The following MGAT4C variants were observed in gnomAD, a reference collection of about 807,000 sequenced individuals.
MGAT4C encodes the protein MGAT4 family member C.
A neutral mutation model predicts 40.1 loss-of-function variants in MGAT4C; 19 were observed. The observed-to-expected ratio is 0.47, with a 90% CI of 0.33 to 0.70. MGAT4C has a LOEUF of 0.70. Among genes scored for constraint, MGAT4C ranks in the 30% least tolerant of loss-of-function variants. The pLI is 0.02. For synonymous variants in MGAT4C, 181 were observed against 187.1 expected (o/e 0.97, Z 0.27); for missense variants, 491 against 563.2 (o/e 0.87, Z 1.30).
chr12:86,773,781 AG>A (rs1026125746), intron 1 of MGAT4C, among the ~76,000 whole-genome samples: 1 of 151,886 alleles, frequency 6.6e-6, no homozygotes, highest in African/African-American at 2.4e-5. Flanking sequence ...TTTCATGGAA[AG>A]GATTTTTTAA....
chr12:86,299,979 T>A (rs1233380424), intron 4 of MGAT4C, among the ~76,000 whole-genome samples: 2 of 152,226 alleles, frequency 1.3e-5, no homozygotes, highest in African/African-American at 2.4e-5. Flanking sequence ...AGAATGAGTA[T>A]ATGCCCTTTG....
rs2136635222 is a variant in MGAT4C at position 85,957,267 on chromosome 12, T to G, written c.*22022A>C. ...TTCATCTGTAAATAAAGTCATATTA[T>G]TTGTGAAAGACCAAGGCCAAGGATC... is the stretch of plus-strand genomic sequence containing the variant. On this transcript the variant is annotated 3_prime_UTR_variant, in exon 5 of 5. Transcript: ENST00000611864. 1 of 152,316 alleles carries G rather than the reference T, an allele frequency of 6.6e-6. No homozygotes were observed. The highest frequency in any genetic ancestry group is 3.4e-3 in the Middle Eastern group (1 of 294). The allele number at this position is 152,316 out of a possible 1,614,324, so 9.4% of individuals were successfully genotyped here.
At chr12:86,332,440 G>T (rs1232305124) in intron 4 of MGAT4C, among the ~76,000 whole-genome samples, 2 of 149,174 alleles carry the variant, frequency 1.3e-5, no homozygotes, top group African/African-American at 4.9e-5. Flanking sequence ...GAAAAAAAAA[G>T]CCCCAAATCT....
chr12:86,383,757 CT>C (rs1434613842), intron 3 of MGAT4C, among the ~76,000 whole-genome samples: 1 of 152,032 alleles, frequency 6.6e-6, no homozygotes, highest in Non-Finnish European at 1.5e-5. Flanking sequence ...ATTGACTTGC[CT>C]TGTCTCAGAT....
rs1249125919 is a variant in MGAT4C, at chr12:85,962,730, C to T, written c.*16559G>A. The T allele has an allele frequency of 1.3e-5, 2 of 150,810 alleles. No individual in the cohort carries two copies. Among genetic ancestry groups the T allele is most frequent in the Non-Finnish European group, 3.0e-5 (2 of 67,406 alleles). 9.3% of individuals were successfully genotyped at this position (150,810 alleles called of 1,614,324 possible). On this transcript the variant is annotated 3_prime_UTR_variant, in exon 5 of 5. Transcript: ENST00000611864. ...ACATTTTACATAGGATGAAAAAAAT[C>T]ATTATTTTTATTAATCCCAAGATAT...
Position 86,273,533 on chromosome 12 carries a change from T to A in MGAT4C, c.-57+60532A>T, listed in dbSNP as rs181030290. 2.2e-3 allele frequency among the ~76,000 whole-genome samples: 333 copies of A among 152,296 alleles called. 1 individual carries two copies. The highest frequency in any genetic ancestry group is 7.7e-3 in the African/African-American group (320 of 41,570). The stretch of plus-strand genomic sequence containing the variant: ...AAGCATGTTTAATTTTAAATCTGCA[T>A]GCAACATACATAATCTTTAATTTTA... On this transcript the variant is annotated intron_variant, in intron 4 of 7. Transcript: ENST00000548651.
At chr12:86,701,310 T>G (rs1372787428) in intron 2 of MGAT4C, among the ~76,000 whole-genome samples, 1 of 152,084 alleles carries the variant, frequency 6.6e-6, no homozygotes, top group African/African-American at 2.4e-5. Flanking sequence ...TCCAACAGCA[T>G]GTGCTCACTT....
chr12:86,501,360 G>A (rs1167109133), intron 2 of MGAT4C, among the ~76,000 whole-genome samples: 1 of 151,922 alleles, frequency 6.6e-6, no homozygotes, highest in Non-Finnish European at 1.5e-5. Context: ...AAGTTCTAAA[G>A]TGCATGTGCA....
chr12:86,566,634 T>C (rs1960135512), intron 2 of MGAT4C, among the ~76,000 whole-genome samples: 1 of 144,066 alleles, frequency 6.9e-6, no homozygotes, highest in East Asian at 2.0e-4. Context: ...ATATGTATTA[T>C]ATATACATAA....
upstream of MGAT4C, among the ~76,000 whole-genome samples, chr12:86,258,881 A>C (rs1348022508): frequency 6.6e-6 from 1 of 152,046 alleles, no homozygotes; most frequent in Non-Finnish European, 1.5e-5. Flanking sequence ...TGTACTAGAA[A>C]TACTTCATAC....
chr12:86,449,347 C>T (rs1957387866), intron 2 of MGAT4C, among the ~76,000 whole-genome samples: 1 of 152,012 alleles, frequency 6.6e-6, no homozygotes, highest in African/African-American at 2.4e-5. Flanking sequence ...GTTCAAATTC[C>T]AACTCTGCAA....
chr12:86,795,601 GGAGA>G (rs149027589), intron 1 of MGAT4C, among the ~76,000 whole-genome samples: 3 of 151,016 alleles, frequency 2.0e-5, no homozygotes, highest in East Asian at 3.9e-4. Context: ...GACAGAGAAA[GGAGA>G]GAGAGAGAGA....
intron 1 of MGAT4C, among the ~76,000 whole-genome samples, chr12:86,773,553 T>C (rs1031163918): frequency 1.8e-4 from 27 of 152,284 alleles, no homozygotes; most frequent in African/African-American, 5.1e-4. Flanking sequence ...ATTTTCCTAC[T>C]GAGGAATTAA....
At chr12:86,138,869 C>G (rs1051578853) in intron 1 of MGAT4C, among the ~76,000 whole-genome samples, 4 of 151,844 alleles carry the variant, frequency 2.6e-5, no homozygotes, top group Non-Finnish European at 5.9e-5. Flanking sequence ...AAATTAGCAG[C>G]CACAGACAGC....
chr12:86,376,820 G>GAGAGAGAGAC (rs1565716025), intron 3 of MGAT4C, among the ~76,000 whole-genome samples: 4 of 20,090 alleles, frequency 2.0e-4, no homozygotes, highest in Non-Finnish European at 3.1e-4. Context: ...GAGAGAGACA[G>GAGAGAGAGAC]AGAGAGAGAG....
chr12:86,284,054 A>G (rs2136121034), intron 4 of MGAT4C, among the ~76,000 whole-genome samples: 1 of 152,234 alleles, frequency 6.6e-6, no homozygotes, highest in Non-Finnish European at 1.5e-5. Flanking sequence ...AAACAAAAAT[A>G]TATTTGTATC....
At chr12:86,384,646 C>T (rs1055216435) in intron 3 of MGAT4C, among the ~76,000 whole-genome samples, 2 of 152,176 alleles carry the variant, frequency 1.3e-5, no homozygotes, top group Non-Finnish European at 2.9e-5. Flanking sequence ...TTCCTTTATT[C>T]AATGTTTGTT....
chr12:86,631,314 A>G (rs1250137343), intron 2 of MGAT4C, among the ~76,000 whole-genome samples: 2 of 152,162 alleles, frequency 1.3e-5, no homozygotes, highest in Non-Finnish European at 2.9e-5. Context: ...AAAATCGTGA[A>G]TATGGCCATA....
chr12:86,731,951 A>G (rs1337902833), intron 1 of MGAT4C, among the ~76,000 whole-genome samples: 1 of 152,156 alleles, frequency 6.6e-6, no homozygotes, highest in Non-Finnish European at 1.5e-5. Context: ...TAAAACCCTG[A>G]ATGAGTGGAC....
Sources: allele counts gnomAD v4.1 joint callset (sites outside exome capture counted in the v4.1 genomes callset), GRCh38; gene constraint gnomAD v4.1.1; transcripts MANE v1.5; gene names NCBI Gene and HGNC (gene_info 2026-07-23, HGNC 2026-07-21).